The following CAD variants were observed in gnomAD, a reference collection of about 807,000 sequenced individuals.
The protein encoded by CAD is carbamoyl-phosphate synthetase 2, aspartate transcarbamylase, and dihydroorotase, also known as multifunctional protein CAD.
In CAD, 81 loss-of-function variants were observed where a neutral mutation model predicts 237.2. The ratio of observed to expected loss-of-function variants is 0.34; its 90% CI spans 0.29 to 0.41. The LOEUF is 0.41. CAD is among the 10% of genes least tolerant of loss of function. CAD has a pLI of 1.00. For missense variants in CAD, 2,181 were observed against 2,951.7 expected (o/e 0.74, Z 6.05); for synonymous variants, 1,196 against 1,162.8 (o/e 1.03, Z -0.58).
chr2:27,219,755 A>G (rs1675062971), intron 2 of CAD, among the ~76,000 whole-genome samples: 1 of 151,762 alleles, frequency 6.6e-6, no homozygotes, highest in African/African-American at 2.4e-5. Flanking sequence ...ATTCCCAGCT[A>G]ATTTTGTATT....
In CAD at chr2:27,241,416, G is replaced by T. The variant is rs940681497; in HGVS notation, c.5883+20G>T. ...CTGAAGGTCAGGATCAGGGCCGGGG[G>T]TAGGGTCCAGGCCATCGCCTGCCCT... On this transcript the variant is annotated intron_variant, in intron 38 of 43. Transcript: ENST00000264705. This position sits in a 1 kb window ranked among gnomAD's most constrained non-coding sequence, Gnocchi z 4.6. The T allele has an allele frequency of 2.3e-5, 37 of 1,612,010 alleles. No individual in the cohort carries two copies. Among genetic ancestry groups the T allele is most frequent in the Non-Finnish European group, 2.9e-5 (34 of 1,178,028 alleles).
At position 27,241,833 on chromosome 2, in the gene CAD, T is replaced by C. The variant is rs1676331887; in HGVS notation, c.5884-78T>C. 1 of 1,146,106 alleles carries C rather than the reference T, an allele frequency of 8.7e-7. No homozygotes were observed. The highest frequency in any genetic ancestry group is 1.8e-5 in the Admixed American group (1 of 54,776). The allele number at this position is 1,146,106 out of a possible 1,614,324, so 71.0% of individuals were successfully genotyped here. On this transcript the variant is annotated intron_variant, in intron 38 of 43. Transcript: ENST00000264705. The surrounding 1 kb of genome is among the most constrained non-coding windows in gnomAD (Gnocchi z 4.6). ...CCTCACAGCACCCCTCAAGTGTCAGTTGGGGTGGTGGTGCCTAGCTGGGGT... is the reference window on the plus strand; with the variant it reads ...CCTCACAGCACCCCTCAAGTGTCAGCTGGGGTGGTGGTGCCTAGCTGGGGT...
Position 27,225,051 on chromosome 2 carries a change from TG to T in CAD, c.1433del (p.Gly478AlafsTer5). ...GCCCCGATGGTGTGTTACTGACTTT[TG>T]GGGGCCAGACTGCTCTGAACTGTGG... ...ERPDGVLLTF[G>X]GQTALNCGVE... On this transcript the variant is annotated frameshift_variant, in exon 11 of 44. Transcript: ENST00000264705. LOFTEE classifies it high-confidence loss of function. 6.2e-7 allele frequency: 1 copy of T among 1,612,746 alleles called. No individual in the cohort carries two copies.
rs1676326775 is a variant in CAD at position 27,241,716 on chromosome 2, T to C, written c.5884-195T>C. Among the ~76,000 whole-genome samples the C allele has an allele frequency of 2.6e-5, 4 of 152,178 alleles. No individual in the cohort carries two copies. In the South Asian group the frequency reaches 8.3e-4, roughly 31 times the overall value. On this transcript the variant is annotated intron_variant, in intron 38 of 43. Transcript: ENST00000264705. This position sits in a 1 kb window ranked among gnomAD's most constrained non-coding sequence, Gnocchi z 4.6. ...TCAGACACTTAATGATGGGTGGTTT[T>C]CTGGAGGCAGAGCCTTTAGCTCAGA... is the stretch of plus-strand genomic sequence containing the variant.
At position 27,223,908 on chromosome 2, in the gene CAD, C is replaced by G; in HGVS notation, c.996-9C>G. 6.2e-7 allele frequency: 1 copy of G among 1,604,792 alleles called. No homozygotes were observed. The highest frequency in any genetic ancestry group is 8.5e-7 in the Non-Finnish European group (1 of 1,171,480). Reference sequence around the variant, plus strand: ...CATGATGGTTTTCATGATGCAATCTCTTCAATAGTGTCCAGTTTCACCCAG... The same window carrying G: ...CATGATGGTTTTCATGATGCAATCTGTTCAATAGTGTCCAGTTTCACCCAG... On this transcript the variant is annotated splice_polypyrimidine_tract_variant and intron_variant, in intron 7 of 43. Coordinates refer to ENST00000264705, the MANE Select transcript of CAD (RefSeq NM_004341.5).
rs763535399 is a variant in CAD at position 27,224,891 on chromosome 2, A to G, written c.1386+15A>G. The G allele has an allele frequency of 1.2e-5, 19 of 1,614,148 alleles. No homozygotes were observed. Among genetic ancestry groups the G allele is most frequent in the Middle Eastern group, 1.6e-4 (1 of 6,062 alleles). Reference sequence around the variant, plus strand: ...ATGTAACCCAGGTATGACTGGGGCAAGGCTGGAATGAAAAGAGGACTGGGC... The same window carrying G: ...ATGTAACCCAGGTATGACTGGGGCAGGGCTGGAATGAAAAGAGGACTGGGC... On this transcript the variant is annotated intron_variant, in intron 10 of 43. Transcript: ENST00000264705.
In CAD at chr2:27,241,969, C is replaced by T. The variant is rs1327128336; in HGVS notation, c.5942C>T (p.Ala1981Val). Reference protein sequence around the residue: ...EVSTRTSSSFAAAMARLGGAV... With the variant: ...EVSTRTSSSFVAAMARLGGAV... ...AGCACACGGACCAGCAGCTCCTTTG[C>T]AGCAGCCATGGCCCGGCTGGGAGGT... The change falls in exon 39 of 44, where the codon GCA becomes GTA. Residue 1981 changes from alanine to valine, a missense_variant. Ala to Val is a moderately conservative substitution (Grantham distance 64). Coordinates refer to ENST00000264705, the MANE Select transcript of CAD (RefSeq NM_004341.5). The surrounding 1 kb of genome is among the most constrained non-coding windows in gnomAD (Gnocchi z 4.6). The T allele has an allele frequency of 6.2e-7, 1 of 1,613,714 alleles. No individual in the cohort carries two copies.
rs759512634 is a variant in CAD, at chr2:27,238,552, G to A, written c.4982G>A (p.Arg1661Gln). ...CTGGGGCCTGGGAAGGGGGAGGTCC[G>A]GCCTGAGCTTGGCTCCCGCCAGGAT... is the stretch of plus-strand genomic sequence containing the variant. ...ERLGPGKGEV[R>Q]PELGSRQDVE... The change falls in exon 31 of 44, where the codon CGG becomes CAG. Residue 1661 changes from arginine to glutamine, a missense_variant. Arg to Gln is a conservative substitution (Grantham distance 43). Coordinates refer to ENST00000264705, the MANE Select transcript of CAD (RefSeq NM_004341.5). The A allele has an allele frequency of 1.4e-5, 23 of 1,613,994 alleles. No homozygotes were observed. The highest frequency in any genetic ancestry group is 1.3e-4 in the East Asian group (6 of 44,898).
rs1451681399 is a variant in CAD at position 27,225,721 on chromosome 2, A to T, written c.1637A>T (p.Glu546Val). Residue 546 changes from glutamate (E) to valine (V), a missense_variant, in exon 12 of 44, where the codon GAA (glutamate) becomes GTA (valine). By Grantham distance (121) the Glu-to-Val change is moderately radical. Transcript: ENST00000264705. ...NSLEQAQAAA[E>V]RLGYPVLVRA... ...TCATTGCAGGCCCAGGCAGCCGCTG[A>T]ACGGCTGGGGTACCCTGTGCTAGTG... The T allele has an allele frequency of 6.2e-7, 1 of 1,614,004 alleles. No homozygotes were observed. Among genetic ancestry groups the T allele is most frequent in the Admixed American group, 1.7e-5 (1 of 60,022 alleles).
chr2:27,221,199 A>C lies in CAD; in HGVS notation c.223-19A>C. ...AATAACTTGGCCTGAGGCTTCTCAC[A>C]ATCTCTTTCCATCTACAGTGGTTTG... On this transcript the variant is annotated intron_variant, in intron 2 of 43. Coordinates refer to ENST00000264705, the MANE Select transcript of CAD (RefSeq NM_004341.5). 6.7e-7 allele frequency: 1 copy of C among 1,491,876 alleles called. No individual in the cohort carries two copies. Among genetic ancestry groups the C allele is most frequent in the Non-Finnish European group, 9.0e-7 (1 of 1,109,612 alleles). The allele number at this position is 1,491,876 out of a possible 1,614,324, so 92.4% of individuals were successfully genotyped here.
rs570532952 is a variant in CAD, at chr2:27,237,452, C to T, written c.4470C>T (p.Ala1490=). 14 of 1,614,204 alleles carry T rather than the reference C, an allele frequency of 8.7e-6. No homozygotes were observed. Among genetic ancestry groups the T allele is most frequent in the African/African-American group, 1.3e-5 (1 of 75,060 alleles). Residue 1490 remains alanine (A), a synonymous_variant, in exon 28 of 44, where the codon GCC becomes GCT. Coordinates refer to ENST00000264705, the MANE Select transcript of CAD (RefSeq NM_004341.5). This position sits in a 1 kb window ranked among gnomAD's most constrained non-coding sequence, Gnocchi z 4.0. Reference sequence around the variant, plus strand: ...AGGAGGACTTTGCTTCAGGCACAGCCGCTGCCCTGGCTGGGGGTATCACCA... The same window carrying T: ...AGGAGGACTTTGCTTCAGGCACAGCTGCTGCCCTGGCTGGGGGTATCACCA... ...THKEDFASGT[A]AALAGGITMV...
rs1305425105 is a variant in CAD, at chr2:27,222,866, A to C, written c.638A>C (p.Glu213Ala). ...VPWDHALDSQEYEGLFLSNGP... is the reference protein window; with the variant it reads ...VPWDHALDSQAYEGLFLSNGP... ...ATGTCATCTTTTCTGCCCACTCCAGAGTATGAGGGTCTCTTCTTAAGTAAT... is the reference window on the plus strand; with the variant it reads ...ATGTCATCTTTTCTGCCCACTCCAGCGTATGAGGGTCTCTTCTTAAGTAAT... Residue 213 changes from glutamate (E) to alanine (A), a missense_variant and splice_region_variant, in exon 6 of 44, where the codon GAG (glutamate) becomes GCG (alanine). Physicochemically the swap from Glu to Ala is moderately radical, Grantham distance 107. Around this residue, in one of 12 missense-constraint regions of CAD, gnomAD observed 314 missense variants for 339.4 expected, o/e 0.93. Transcript: ENST00000264705. The C allele has an allele frequency of 2.5e-6, 4 of 1,613,672 alleles. No homozygotes were observed. The highest frequency in any genetic ancestry group is 3.3e-5 in the Admixed American group (2 of 59,968).
chr2:27,235,870 T>C lies in CAD; in HGVS notation c.4074+230T>C. 1 of 465,050 alleles carries C rather than the reference T, an allele frequency of 2.2e-6. No individual in the cohort carries two copies. The highest frequency in any genetic ancestry group is 3.7e-6 in the Non-Finnish European group (1 of 268,624). The allele number at this position is 465,050 out of a possible 1,614,324, so 28.8% of individuals were successfully genotyped here. On this transcript the variant is annotated intron_variant, in intron 25 of 43. Coordinates refer to ENST00000264705, the MANE Select transcript of CAD (RefSeq NM_004341.5). The surrounding 1 kb of genome is among the most constrained non-coding windows in gnomAD (Gnocchi z 5.2). ...CAGCTTGGGAAACAGTGAGATGCTG[T>C]CTCAAAAAAAAAAAAAACAAAGAAT...
At chr2:27,231,667 C>T (rs1373638784) in intron 16 of CAD, 87 bp downstream of exon 16, 1 of 807,330 alleles carries the variant, frequency 1.2e-6, no homozygotes, top group East Asian at 2.5e-5. Context: ...ACCAGTAACA[C>T]TAGCAGCAGT....
In CAD at chr2:27,237,253, A is replaced by G; in HGVS notation, c.4397-126A>G. On this transcript the variant is annotated intron_variant, in intron 27 of 43. Transcript: ENST00000264705. The surrounding 1 kb of genome is among the most constrained non-coding windows in gnomAD (Gnocchi z 4.0). ...TGGTCAGGTTGGTCTCGAACTCCTG[A>G]TCTCAGGTGATCTGCCCACCTCGGC... The G allele has an allele frequency of 2.1e-6, 2 of 948,004 alleles. No individual in the cohort carries two copies. The highest frequency in any genetic ancestry group is 3.3e-6 in the Non-Finnish European group (2 of 606,530). 58.7% of individuals were successfully genotyped at this position (948,004 alleles called of 1,614,324 possible).
At chr2:27,222,829 A>C in intron 5 of CAD, 37 bp from the exon 6 acceptor site, 2 of 1,607,952 alleles carry the variant, frequency 1.2e-6, no homozygotes, top group Non-Finnish European at 1.7e-6. Context: ...TGTAATTGAA[A>C]TACTGATTTT....
Position 27,232,712 on chromosome 2 carries a change from C to A in CAD, c.2892+18C>A, listed in dbSNP as rs1443737136. On this transcript the variant is annotated intron_variant, in intron 18 of 43. Transcript: ENST00000264705. This position sits in a 1 kb window ranked among gnomAD's most constrained non-coding sequence, Gnocchi z 4.1. ...TCCGAAAGGTCAGAGAGTTCATTTT[C>A]TTTCCACTTTCCTTGCTATTCTGTT... 1 of 1,613,980 alleles carries A rather than the reference C, an allele frequency of 6.2e-7. No homozygotes were observed. Among genetic ancestry groups the A allele is most frequent in the Non-Finnish European group, 8.5e-7 (1 of 1,179,906 alleles).
chr2:27,240,472 G>C lies in CAD; in HGVS notation c.5593+111G>C. On this transcript the variant is annotated intron_variant, in intron 35 of 43. Coordinates refer to ENST00000264705, the MANE Select transcript of CAD (RefSeq NM_004341.5). This position sits in a 1 kb window ranked among gnomAD's most constrained non-coding sequence, Gnocchi z 4.6. ...TCCTCCTCTCCATCCCTTTATCCTCGTCTGATCTGCCGTGCCATCCTTTGC... is the reference window on the plus strand; with the variant it reads ...TCCTCCTCTCCATCCCTTTATCCTCCTCTGATCTGCCGTGCCATCCTTTGC... 7 of 1,487,062 alleles carry C rather than the reference G, an allele frequency of 4.7e-6. No homozygotes were observed. Among genetic ancestry groups the C allele is most frequent in the Non-Finnish European group, 6.5e-6 (7 of 1,073,568 alleles). 92.1% of individuals were successfully genotyped at this position (1,487,062 alleles called of 1,614,324 possible). A position where few individuals can be genotyped will look rare whatever the true frequency, so the allele number is the denominator to read the frequency against.
Position 27,217,991 on chromosome 2 carries a change from A to T in CAD, c.197A>T (p.Glu66Val). ...GGCAACTATGGCATCCCCCCAGATG[A>T]AATGGATGAGTTCGGTCTCTGCAAG... ...LIGNYGIPPD[E>V]MDEFGLCKWF... Residue 66 changes from glutamate (E) to valine (V), a missense_variant, in exon 2 of 44, where the codon GAA becomes GTA. Coordinates refer to ENST00000264705, the MANE Select transcript of CAD (RefSeq NM_004341.5). 6.2e-7 allele frequency: 1 copy of T among 1,610,824 alleles called. No individual in the cohort carries two copies.
Sources: allele counts gnomAD v4.1 joint callset (sites outside exome capture counted in the v4.1 genomes callset), GRCh38; gene constraint gnomAD v4.1.1; regional missense constraint gnomAD v4.1.1; non-coding constraint Gnocchi (gnomAD v3.1); transcripts MANE v1.5; gene names NCBI Gene and HGNC (gene_info 2026-07-23, HGNC 2026-07-21).